The following EEFSEC variants were observed in gnomAD, a reference collection of about 807,000 sequenced individuals.
EEFSEC encodes selenocysteine-specific elongation factor.
A neutral mutation model predicts 42.1 loss-of-function variants in EEFSEC; 43 were observed. The observed-to-expected ratio is 1.02, with a 90% CI of 0.80 to 1.32. The LOEUF (loss-of-function observed/expected upper bound fraction) is 1.32. Ranked by LOEUF, EEFSEC falls within the 40% of genes most tolerant of loss-of-function variation. The probability of loss-of-function intolerance (pLI) is 0.00; values close to 1 mark genes in which losing one functional copy is unlikely to be tolerated. For missense variants in EEFSEC, 745 were observed against 803.6 expected, an observed-to-expected ratio of 0.93 and a Z score of 0.88; for synonymous variants, 354 against 339.1, an observed-to-expected ratio of 1.04 and a Z score of -0.48.
intron 1 of EEFSEC, among the ~76,000 whole-genome samples, chr3:128,190,513 A>T (rs1464053289): frequency 6.6e-6 from 1 of 152,242 alleles, no homozygotes. Context: ...TTTTAAGCTA[A>T]GTGTTATTAC....
chr3:128,170,676 T>G (rs1307493844), intron 1 of EEFSEC, among the ~76,000 whole-genome samples: 1 of 152,206 alleles, frequency 6.6e-6, no homozygotes, highest in Non-Finnish European at 1.5e-5. Context: ...GGCATCCCCC[T>G]AACTCCCTGC....
intron 2 of EEFSEC, among the ~76,000 whole-genome samples, chr3:128,249,549 C>T (rs539155649): frequency 1.5e-4 from 23 of 152,200 alleles, no homozygotes; most frequent in African/African-American, 5.3e-4. Context: ...TTTTTCATGA[C>T]CCCCAACATA....
At chr3:128,330,160 G>C (rs1184933122) in intron 4 of EEFSEC, among the ~76,000 whole-genome samples, 2 of 152,258 alleles carry the variant, frequency 1.3e-5, no homozygotes, top group Non-Finnish European at 2.9e-5. Context: ...TGGGGTGGCT[G>C]GGAGGAGGAG....
chr3:128,182,057 C>T (rs752602963), intron 1 of EEFSEC, among the ~76,000 whole-genome samples: 5 of 152,218 alleles, frequency 3.3e-5, no homozygotes, highest in Non-Finnish European at 5.9e-5. Context: ...AAGTGATCCG[C>T]CTGCCTTGGG....
chr3:128,200,673 G>A (rs1019132283), intron 1 of EEFSEC, among the ~76,000 whole-genome samples: 13 of 152,242 alleles, frequency 8.5e-5, no homozygotes, highest in Non-Finnish European at 1.5e-4. Context: ...TAGCTGAAAC[G>A]ATGGGGAGAA....
At chr3:128,406,479 T>TA (rs1239300891) in intron 6 of EEFSEC, among the ~76,000 whole-genome samples, 1 of 152,190 alleles carries the variant, frequency 6.6e-6, no homozygotes, top group East Asian at 1.9e-4. Flanking sequence ...TAACAATGTG[T>TA]AATATTCAAT....
intron 1 of EEFSEC, among the ~76,000 whole-genome samples, chr3:128,177,829 A>G (rs564762850): frequency 6.6e-6 from 1 of 152,330 alleles, no homozygotes; most frequent in South Asian, 2.1e-4. Context: ...TTTTATAAAT[A>G]GGAAAATTGA....
chr3:128,389,057 AG>A (rs2067876335), intron 6 of EEFSEC, among the ~76,000 whole-genome samples: 1 of 152,206 alleles, frequency 6.6e-6, no homozygotes, highest in South Asian at 2.1e-4. Flanking sequence ...CAGGAGTTCC[AG>A]GCAAGGGAGC....
chr3:128,319,898 A>G (rs1484084508), intron 4 of EEFSEC, among the ~76,000 whole-genome samples: 6 of 152,208 alleles, frequency 3.9e-5, no homozygotes. Flanking sequence ...CTCTGCAGAC[A>G]CGCTCAGTTC....
intron 4 of EEFSEC, among the ~76,000 whole-genome samples, chr3:128,326,468 A>T (rs1159067629): frequency 2.0e-5 from 3 of 152,104 alleles, no homozygotes; most frequent in African/African-American, 7.2e-5. Flanking sequence ...AGCAAGGAGC[A>T]CCTCGATTTT....
At chr3:128,405,343 C>T (rs1223012157) in intron 6 of EEFSEC, among the ~76,000 whole-genome samples, 1 of 152,144 alleles carries the variant, frequency 6.6e-6, no homozygotes, top group Non-Finnish European at 1.5e-5. Flanking sequence ...AGGGCCAGTG[C>T]ACGATGCTCT....
chr3:128,420,201 CGT>C, the EEFSEC span, among the ~76,000 whole-genome samples: 1 of 152,222 alleles, frequency 6.6e-6, no homozygotes, highest in African/African-American at 2.4e-5. Context: ...CACACACGCG[CGT>C]GGCTCCGCCT....
chr3:128,285,717 G>A (rs900801955), intron 4 of EEFSEC, among the ~76,000 whole-genome samples: 14 of 151,924 alleles, frequency 9.2e-5, no homozygotes, highest in African/African-American at 1.9e-4. Context: ...CCTCGCCCAC[G>A]CTCCCTTAGC....
At chr3:128,384,756 G>A (rs2067818643) in intron 6 of EEFSEC, among the ~76,000 whole-genome samples, 2 of 152,190 alleles carry the variant, frequency 1.3e-5, no homozygotes, top group Admixed American at 1.3e-4. Flanking sequence ...TGTTTCCCAA[G>A]CATTTGCTGG....
intron 4 of EEFSEC, among the ~76,000 whole-genome samples, chr3:128,280,730 G>A (rs1469470835): frequency 6.6e-6 from 1 of 152,190 alleles, no homozygotes; most frequent in Non-Finnish European, 1.5e-5. Flanking sequence ...GCAAGCGGCA[G>A]CCTCTACTTT....
chr3:128,424,147 C>A, the EEFSEC span, among the ~76,000 whole-genome samples: 2 of 152,168 alleles, frequency 1.3e-5, no homozygotes, highest in Non-Finnish European at 2.9e-5. Context: ...TCACCTCTGG[C>A]AGGCTGCAGG....
Position 128,387,844 on chromosome 3 carries a change from G to A in EEFSEC, c.1601-20225G>A, listed in dbSNP as rs187292156. Reference sequence around the variant, plus strand: ...CGCTTGCATGTTTGGAGCCCTGGCAGCCCCCACCTGATGTGCCTGCCCCAG... The same window carrying A: ...CGCTTGCATGTTTGGAGCCCTGGCAACCCCCACCTGATGTGCCTGCCCCAG... On this transcript the variant is annotated intron_variant, in intron 6 of 6. Coordinates refer to ENST00000254730, the MANE Select transcript of EEFSEC (RefSeq NM_021937.5). Among the ~76,000 whole-genome samples the A allele has an allele frequency of 3.9e-5, 6 of 152,330 alleles. No individual in the cohort carries two copies. In the East Asian group the frequency reaches 1.2e-3, roughly 29 times the overall value.
intron 1 of EEFSEC, among the ~76,000 whole-genome samples, chr3:128,246,629 T>C (rs2066130454): frequency 6.6e-6 from 1 of 152,254 alleles, no homozygotes; most frequent in Admixed American, 6.5e-5. Context: ...CTGTGTTTTG[T>C]GGACCTCAGT....
intron 1 of EEFSEC, among the ~76,000 whole-genome samples, chr3:128,235,216 C>T (rs2065995877): frequency 6.9e-6 from 1 of 144,930 alleles, no homozygotes; most frequent in Non-Finnish European, 1.5e-5. Context: ...AGGTGCACAC[C>T]ACCACACCCA....
Sources: gnomAD v4.1 joint callset for allele counts (sites outside exome capture counted in the v4.1 genomes callset) on GRCh38, gnomAD v4.1.1 for gene constraint, MANE v1.5 for transcripts, NCBI Gene and HGNC (gene_info 2026-07-23, HGNC 2026-07-21) for gene names.